Variants in GRK4 observed in about 807,000 individuals in gnomAD.
GRK4 encodes G protein-coupled receptor kinase 2-like.
A neutral mutation model predicts 77.9 loss-of-function variants in GRK4; 73 were observed. The ratio of observed to expected loss-of-function variants is 0.94; its 90% CI spans 0.78 to 1.14. GRK4 has a LOEUF of 1.14. GRK4 is among the 50% of genes most tolerant of loss of function. The pLI is 0.00. For synonymous variants in GRK4, 257 were observed against 254.4 expected, an observed-to-expected ratio of 1.01 and a Z score of -0.10; for missense variants, 729 against 700.2, an observed-to-expected ratio of 1.04 and a Z score of -0.46.
chr4:3,019,902 G>C, intron 9 of GRK4, 71 bp downstream of exon 9: 1 of 1,404,996 alleles, frequency 7.1e-7, no homozygotes, highest in Non-Finnish European at 9.7e-7. Flanking sequence ...GGCTTCCCTG[G>C]TTCACACTGG....
Position 3,029,255 on chromosome 4 carries a change from T to G in GRK4, c.1115T>G (p.Leu372Arg). The change falls in exon 12 of 16, where the codon CTT becomes CGT. Residue 372 changes from leucine (L) to arginine (R), a missense_variant. Physicochemically the swap from Leu to Arg is moderately radical, Grantham distance 102. Transcript: ENST00000398052. ...ACGTTTAGTCCCGATTGGTGGGGAC[T>G]TGGCTGTCTGATCTATGAAATGATT... The part of the protein sequence containing the change: ...KYTFSPDWWG[L>R]GCLIYEMIQG... 1 of 1,614,210 alleles carries G rather than the reference T, an allele frequency of 6.2e-7. No homozygotes were observed. The highest frequency in any genetic ancestry group is 8.5e-7 in the Non-Finnish European group (1 of 1,179,994).
In GRK4 at chr4:2,988,593, A is replaced by G. The variant is rs979421047; in HGVS notation, c.149-134A>G. On this transcript the variant is annotated intron_variant, in intron 2 of 15. Coordinates refer to ENST00000398052, the MANE Select transcript of GRK4 (RefSeq NM_182982.3). ...TCTGAAACAAACAACAACAACAACA[A>G]CAAGATGAAAATAATACGGCAAATA... The G allele has an allele frequency of 2.7e-5, 15 of 557,096 alleles. 1 individual carries two copies. The highest frequency in any genetic ancestry group is 4.9e-5 in the Non-Finnish European group (15 of 307,786). 34.5% of individuals were successfully genotyped at this position (557,096 alleles called of 1,614,324 possible). A position where few individuals can be genotyped will look rare whatever the true frequency, so the allele number is the denominator to read the frequency against.
rs562539378 is a variant in GRK4 at position 3,019,398 on chromosome 4, C to T, written c.742-243C>T. Among the ~76,000 whole-genome samples the T allele has an allele frequency of 1.5e-4, 23 of 152,262 alleles. No homozygotes were observed. In the South Asian group the frequency reaches 2.7e-3, roughly 18 times the overall value. The stretch of plus-strand genomic sequence containing the variant: ...GATCCCAAGTATCTTGGTGAAGTTT[C>T]GCCACTTCTTCGCTTAGCTGTAGAA... On this transcript the variant is annotated intron_variant, in intron 8 of 15. Coordinates refer to ENST00000398052, the MANE Select transcript of GRK4 (RefSeq NM_182982.3).
intron 2 of GRK4, among the ~76,000 whole-genome samples, chr4:2,985,163 G>A (rs545398215): frequency 1.9e-4 from 29 of 150,972 alleles, no homozygotes; most frequent in Non-Finnish European, 4.0e-4. Flanking sequence ...CTGTAATCCC[G>A]GCACTTTGGG....
chr4:3,013,808 A>G lies in GRK4; in HGVS notation c.721A>G (p.Lys241Glu). 1 of 1,609,676 alleles carries G rather than the reference A, an allele frequency of 6.2e-7. No homozygotes were observed. Among genetic ancestry groups the G allele is most frequent in the Non-Finnish European group, 8.5e-7 (1 of 1,178,774 alleles). ...MALNEKRILE[K>E]VQSRFVVSLA... Reference sequence around the variant, plus strand: ...TCTAAATGAGAAAAGAATTCTGGAGAAAGTGCAAAGTAGATTCGTAGTAAG... The same window carrying G: ...TCTAAATGAGAAAAGAATTCTGGAGGAAGTGCAAAGTAGATTCGTAGTAAG... The change falls in exon 8 of 16, where the codon AAA becomes GAA. Residue 241 changes from lysine (K) to glutamate (E), a missense_variant. Lys to Glu is a moderately conservative substitution (Grantham distance 56). Transcript: ENST00000398052.
intron 4 of GRK4, among the ~76,000 whole-genome samples, chr4:2,993,621 C>T (rs112493672): frequency 0.013 from 1,981 of 152,296 alleles, 21 homozygotes; most frequent in African/African-American, 0.033. Context: ...TGGCAGTGAG[C>T]TGAGATCGTG....
intron 5 of GRK4, among the ~76,000 whole-genome samples, chr4:3,006,875 G>A (rs1731498515): frequency 6.6e-6 from 1 of 152,192 alleles, no homozygotes; most frequent in African/African-American, 2.4e-5. Flanking sequence ...CTGGGATATT[G>A]TGATAAGAAT....
rs1420887835 is a variant in GRK4 at position 2,978,316 on chromosome 4, A to G, written c.53-6197A>G. Among the ~76,000 whole-genome samples, 4 of 152,256 alleles carry G rather than the reference A, an allele frequency of 2.6e-5. No individual in the cohort carries two copies. In the East Asian group the frequency reaches 7.7e-4, roughly 29 times the overall value. ...GAATCTTTTAAAAACTTGGTCTGAT[A>G]GGATTCTGTAATTGAGCTAATCGAT... On this transcript the variant is annotated intron_variant, in intron 1 of 15. Coordinates refer to ENST00000398052, the MANE Select transcript of GRK4 (RefSeq NM_182982.3).
intron 12 of GRK4, 133 bp from the exon 13 acceptor site, chr4:3,035,252 GA>G (rs925499059): frequency 5.7e-5 from 53 of 922,756 alleles, no homozygotes; most frequent in Non-Finnish European, 7.6e-5. Context: ...CTCAAAAAAA[GA>G]AAAAAAAAGA....
At chr4:3,025,562 T>A (rs1737261722) in intron 10 of GRK4, among the ~76,000 whole-genome samples, 1 of 151,468 alleles carries the variant, frequency 6.6e-6, no homozygotes, top group African/African-American at 2.4e-5. Context: ...GCTAATTTTT[T>A]ATATTTTTTT....
intron 13 of GRK4, among the ~76,000 whole-genome samples, 195 bp downstream of exon 13, chr4:3,035,718 C>T (rs1403789208): frequency 2.6e-5 from 4 of 151,934 alleles, no homozygotes; most frequent in Non-Finnish European, 4.4e-5. Context: ...CCACTGTGCC[C>T]GGCTGCAACA....
chr4:3,038,042 G>A (rs1477388661), intron 14 of GRK4, among the ~76,000 whole-genome samples: 1 of 152,186 alleles, frequency 6.6e-6, no homozygotes, highest in Non-Finnish European at 1.5e-5. Context: ...ATGACAGGAA[G>A]TGGACAGGAG....
chr4:2,999,077 T>C (rs1728789266), intron 4 of GRK4, among the ~76,000 whole-genome samples: 1 of 152,196 alleles, frequency 6.6e-6, no homozygotes, highest in Non-Finnish European at 1.5e-5. Context: ...TTTGTCTTAG[T>C]CCATTTAGTG....
intron 1 of GRK4, among the ~76,000 whole-genome samples, chr4:2,974,433 C>CTCAGT (rs1448960981): frequency 6.6e-6 from 1 of 152,202 alleles, no homozygotes; most frequent in African/African-American, 2.4e-5. Flanking sequence ...GGCTTTATAT[C>CTCAGT]TCAGTGCCCT....
chr4:2,976,212 C>A (rs900503881), intron 1 of GRK4, among the ~76,000 whole-genome samples: 1 of 151,894 alleles, frequency 6.6e-6, no homozygotes, highest in Non-Finnish European at 1.5e-5. Flanking sequence ...CTTTCCCTCC[C>A]TCCTCCTTCC....
chr4:2,993,755 G>A (rs1726979806), intron 4 of GRK4, among the ~76,000 whole-genome samples: 1 of 152,098 alleles, frequency 6.6e-6, no homozygotes, highest in Non-Finnish European at 1.5e-5. Flanking sequence ...AAACCTATGA[G>A]GTAGATACTA....
chr4:3,004,351 G>A lies in GRK4; in HGVS notation c.443+17G>A. ...ATGTACTAGGTAAGTGGTTCATGCT[G>A]AGCCCTGCATATATTATCTATGACT... On this transcript the variant is annotated intron_variant, in intron 5 of 15. Coordinates refer to ENST00000398052, the MANE Select transcript of GRK4 (RefSeq NM_182982.3). 2 of 1,480,558 alleles carry A rather than the reference G, an allele frequency of 1.4e-6. No individual in the cohort carries two copies. The highest frequency in any genetic ancestry group is 1.4e-5 in the African/African-American group (1 of 71,984). 91.7% of individuals were successfully genotyped at this position (1,480,558 alleles called of 1,614,324 possible). A position where few individuals can be genotyped will look rare whatever the true frequency, so the allele number is the denominator to read the frequency against.
intron 9 of GRK4, among the ~76,000 whole-genome samples, chr4:3,021,351 G>T (rs1736022853): frequency 6.6e-6 from 1 of 152,194 alleles, no homozygotes; most frequent in Non-Finnish European, 1.5e-5. Flanking sequence ...TGAGCATGAG[G>T]ATGTGCCCCT....
intron 5 of GRK4, among the ~76,000 whole-genome samples, chr4:3,004,754 G>T (rs573531024): frequency 3.0e-4 from 46 of 152,242 alleles, no homozygotes; most frequent in Admixed American, 4.6e-4. Flanking sequence ...TCATCTGCAC[G>T]TTGAGGAGGC....
Sources: allele counts gnomAD v4.1 joint callset (sites outside exome capture counted in the v4.1 genomes callset), GRCh38; gene constraint gnomAD v4.1.1; transcripts MANE v1.5; gene names NCBI Gene and HGNC (gene_info 2026-07-23, HGNC 2026-07-21).